ATP2C2: variants seen among roughly 807,000 people sequenced by gnomAD.
ATP2C2 encodes the protein ATPase secretory pathway Ca2+ transporting 2, also known as calcium-transporting ATPase type 2C member 2.
Under a neutral mutation model 110.8 loss-of-function variants are expected in ATP2C2, and 171 were observed. The ratio of observed to expected loss-of-function variants is 1.54; its 90% confidence interval spans 1.36 to 1.75. ATP2C2 has a LOEUF of 1.75. ATP2C2 is among the 40% of genes most tolerant of loss of function. The pLI, the probability that ATP2C2 is intolerant of heterozygous loss-of-function variation, is 0.00. For missense variants in ATP2C2, 1,963 were observed against 1,235.0 expected (o/e 1.59, Z -8.84); for synonymous variants, 804 against 508.4 (o/e 1.58, Z -7.82).
intron 1 of ATP2C2, among the ~76,000 whole-genome samples, chr16:84,394,009 AATAAAAAAAT>A (rs1904821167): frequency 7.3e-6 from 1 of 137,794 alleles, no homozygotes; most frequent in Non-Finnish European, 1.6e-5. Flanking sequence ...TACCAAAAAA[AATAAAAAAAT>A]AAAAAATAAA....
rs1476328845 is a variant in ATP2C2 at position 84,459,455 on chromosome 16, G to A, written c.2333+69G>A. On this transcript the variant is annotated intron_variant, in intron 23 of 26. Transcript: ENST00000262429. ...TGCGGGGCTTCCTCCAGGGGCTGCT[G>A]GCTGTGCCCCAAGGCTATAGGGATG... 3.1e-6 allele frequency: 5 copies of A among 1,603,706 alleles called. No homozygotes were observed. In the African/African-American group the frequency reaches 4.0e-5, roughly 13 times the overall value.
rs564793708 is a variant in ATP2C2 at position 84,464,154 on chromosome 16, C to T, written c.*422C>T. The T allele has an allele frequency of 4.9e-4, 78 of 157,704 alleles. No individual in the cohort carries two copies. In the South Asian group the frequency reaches 0.012, roughly 24 times the overall value. 9.8% of individuals were successfully genotyped at this position (157,704 alleles called of 1,614,324 possible). A position where few individuals can be genotyped will look rare whatever the true frequency, so the allele number is the denominator to read the frequency against. On this transcript the variant is annotated 3_prime_UTR_variant, in exon 27 of 27. Coordinates refer to ENST00000262429, the MANE Select transcript of ATP2C2 (RefSeq NM_014861.4). ...CATTTCCTCATCATAAAATGAGGGA[C>T]TTTTAAATAAAGTGCTATGCCGGGG...
chr16:84,394,912 C>T (rs1904879731), intron 1 of ATP2C2, among the ~76,000 whole-genome samples: 1 of 152,078 alleles, frequency 6.6e-6, no homozygotes, highest in Non-Finnish European at 1.5e-5. Flanking sequence ...TTCTGGTGTA[C>T]CAGGTGTTAG....
chr16:84,388,884 G>A (rs1904480888), intron 1 of ATP2C2, among the ~76,000 whole-genome samples: 1 of 152,142 alleles, frequency 6.6e-6, no homozygotes. Context: ...CGATTCTCCT[G>A]CCTCAGCCTC....
At chr16:84,381,580 A>C (rs1910580977) in intron 1 of ATP2C2, among the ~76,000 whole-genome samples, 1 of 152,112 alleles carries the variant, frequency 6.6e-6, no homozygotes, top group African/African-American at 2.4e-5. Context: ...CTGTCCTGAA[A>C]AAAAGAAAAA....
At chr16:84,378,268 G>A (rs1292959994) in intron 1 of ATP2C2, among the ~76,000 whole-genome samples, 1 of 152,126 alleles carries the variant, frequency 6.6e-6, no homozygotes, top group Non-Finnish European at 1.5e-5. Context: ...AAGGAGTGTT[G>A]GTCTGAGTGG....
chr16:84,459,833 G>A, intron 23 of ATP2C2: 1 of 440,202 alleles, frequency 2.3e-6, no homozygotes, highest in Non-Finnish European at 4.2e-6. Context: ...CAGTTTCATG[G>A]AGGCGGAGTT....
intron 21 of ATP2C2, among the ~76,000 whole-genome samples, chr16:84,455,511 A>G (rs932203111): frequency 2.4e-4 from 36 of 152,310 alleles, no homozygotes; most frequent in African/African-American, 7.9e-4. Context: ...GGGCTTGCAC[A>G]AAACTATTTG....
At chr16:84,432,887 C>G (rs1010687450) in intron 11 of ATP2C2, among the ~76,000 whole-genome samples, 1 of 152,110 alleles carries the variant, frequency 6.6e-6, no homozygotes, top group South Asian at 2.1e-4. Flanking sequence ...ACCCTCTGAG[C>G]GTGAGGCTGT....
rs200530016 is a variant in ATP2C2 at position 84,460,706 on chromosome 16, G to T, written c.2386G>T (p.Val796Leu). ...CGCCTTCAGGCAGCCACCACGGAGTGTGCGGGACACCATCCTCAGCAGAGC... is the reference window on the plus strand; with the variant it reads ...CGCCTTCAGGCAGCCACCACGGAGTTTGCGGGACACCATCCTCAGCAGAGC... ...KDAFRQPPRS[V>L]RDTILSRALI... The change falls in exon 24 of 27, where the codon GTG becomes TTG. Residue 796 changes from valine to leucine, a missense_variant. Transcript: ENST00000262429. 3.1e-6 allele frequency: 5 copies of T among 1,614,224 alleles called. No individual in the cohort carries two copies. The East Asian group carries it at 1.1e-4, about 36-fold the overall frequency.
Position 84,423,038 on chromosome 16 carries a change from C to A in ATP2C2, c.844-150C>A, listed in dbSNP as rs1907494674. ...CTTTCAGACAGTAATACGCACAGGTCTTCAGTGCAAAAGTCAATGAATGTT... is the reference window on the plus strand; with the variant it reads ...CTTTCAGACAGTAATACGCACAGGTATTCAGTGCAAAAGTCAATGAATGTT... On this transcript the variant is annotated intron_variant, in intron 9 of 26. Transcript: ENST00000262429. The A allele has an allele frequency of 7.4e-6, 5 of 675,588 alleles. No individual in the cohort carries two copies. In the South Asian group the frequency reaches 9.3e-5, roughly 13 times the overall value. The allele number at this position is 675,588 out of a possible 1,614,324, so 41.8% of individuals were successfully genotyped here.
intron 16 of ATP2C2, among the ~76,000 whole-genome samples, chr16:84,447,295 T>G (rs1486348792): frequency 2.0e-5 from 3 of 152,128 alleles, no homozygotes; most frequent in Admixed American, 6.5e-5. Flanking sequence ...TTAGAAGGGA[T>G]TATAGATTTT....
In ATP2C2 at chr16:84,459,740, G is replaced by A. The variant is rs892754797; in HGVS notation, c.2333+354G>A. ...TCCCACTCAATCCCCTCACCCTGCT[G>A]TATTTTTCCCTAGAGAGGAAGATAC... is the stretch of plus-strand genomic sequence containing the variant. On this transcript the variant is annotated intron_variant, in intron 23 of 26. Transcript: ENST00000262429. 4 of 672,394 alleles carry A rather than the reference G, an allele frequency of 5.9e-6. No homozygotes were observed. In the Admixed American group the frequency reaches 8.4e-5, roughly 14 times the overall value. The allele number at this position is 672,394 out of a possible 1,614,324, so 41.7% of individuals were successfully genotyped here. A position where few individuals can be genotyped will look rare whatever the true frequency, so the allele number is the denominator to read the frequency against.
intron 1 of ATP2C2, among the ~76,000 whole-genome samples, chr16:84,397,936 C>T (rs552305104): frequency 1.6e-4 from 24 of 151,908 alleles, no homozygotes; most frequent in East Asian, 1.9e-4. Flanking sequence ...CCTGGCCAAC[C>T]TAATCTATGA....
chr16:84,410,971 C>G, intron 6 of ATP2C2: 1 of 598,298 alleles, frequency 1.7e-6, no homozygotes, highest in Non-Finnish European at 3.0e-6. Context: ...TGGGCCTCAG[C>G]TCCATCATCA....
chr16:84,461,889 C>G, intron 25 of ATP2C2, 77 bp downstream of exon 25: 1 of 1,607,310 alleles, frequency 6.2e-7, no homozygotes, highest in Non-Finnish European at 8.5e-7. Flanking sequence ...CTGCCCGCAG[C>G]ATTGAGCGGC....
At chr16:84,418,276 G>T (rs941948855) in intron 7 of ATP2C2, among the ~76,000 whole-genome samples, 55 of 152,154 alleles carry the variant, frequency 3.6e-4, no homozygotes, top group African/African-American at 1.3e-3. Context: ...CGCCTCCTTG[G>T]TGGCTATGGG....
At chr16:84,427,903 A>G (rs918562483) in intron 11 of ATP2C2, among the ~76,000 whole-genome samples, 1 of 152,198 alleles carries the variant, frequency 6.6e-6, no homozygotes, top group Non-Finnish European at 1.5e-5. Context: ...ACTAACCACC[A>G]TTCAATTATA....
At chr16:84,368,901 G>C (rs2151390822) in intron 1 of ATP2C2, among the ~76,000 whole-genome samples, 187 bp downstream of exon 1, 1 of 152,364 alleles carries the variant, frequency 6.6e-6, no homozygotes, top group East Asian at 1.9e-4. Context: ...GGGGAGCTCA[G>C]CATGGAACCC....
Sources: gnomAD v4.1 joint callset for allele counts (sites outside exome capture counted in the v4.1 genomes callset) on GRCh38, gnomAD v4.1.1 for gene constraint, MANE v1.5 for transcripts, NCBI Gene and HGNC (gene_info 2026-07-23, HGNC 2026-07-21) for gene names.